Variants in RRBP1 observed in about 807,000 individuals in gnomAD.
The protein encoded by RRBP1 is ribosome-binding protein 1.
A neutral mutation model predicts 165.2 loss-of-function variants in RRBP1; 94 were observed. The ratio of observed to expected loss-of-function variants is 0.57; its 90% CI spans 0.48 to 0.68. RRBP1 has a LOEUF of 0.68. RRBP1 is among the 30% of genes least tolerant of loss of function. The pLI, the probability that RRBP1 is intolerant of heterozygous loss-of-function variation, is 0.00. For synonymous variants in RRBP1, 680 were observed against 714.5 expected (o/e 0.95, Z 0.77); for missense variants, 1,676 against 1,763.0 (o/e 0.95, Z 0.88).
rs147689424 is a variant in RRBP1, at chr20:17,642,333, T to C, written c.2062-414A>G. On this transcript the variant is annotated intron_variant, in intron 4 of 24. Coordinates refer to ENST00000377813, the MANE Select transcript of RRBP1 (RefSeq NM_001365613.2). ...GGAGAGCCAGGCCTCTCCCTGGTCATCTGAATCTCCTATGGCCACTCATAC... is the reference window on the plus strand; with the variant it reads ...GGAGAGCCAGGCCTCTCCCTGGTCACCTGAATCTCCTATGGCCACTCATAC... Among the ~76,000 whole-genome samples the C allele has an allele frequency of 2.2e-3, 328 of 152,082 alleles. 2 individuals carry two copies. The highest frequency in any genetic ancestry group is 7.2e-3 in the African/African-American group (298 of 41,478).
chr20:17,678,116 G>A (rs73101818), intron 2 of RRBP1, among the ~76,000 whole-genome samples: 55 of 152,354 alleles, frequency 3.6e-4, no homozygotes, highest in Non-Finnish European at 6.5e-4. Flanking sequence ...GGACACACAC[G>A]TCTGGTTTTG....
chr20:17,621,357 C>A, intron 16 of RRBP1, 101 bp downstream of exon 16: 3 of 837,968 alleles, frequency 3.6e-6, no homozygotes, highest in Non-Finnish European at 5.8e-6. Flanking sequence ...GGCCAGTGGG[C>A]TTTTCCAAAA....
chr20:17,663,763 C>T (rs1043619808), intron 2 of RRBP1, among the ~76,000 whole-genome samples: 1 of 152,314 alleles, frequency 6.6e-6, no homozygotes, highest in African/African-American at 2.4e-5. Context: ...GGGAGATTTG[C>T]TCCTGAAATC....
At chr20:17,669,073 A>C (rs2036925385) in intron 2 of RRBP1, among the ~76,000 whole-genome samples, 2 of 152,164 alleles carry the variant, frequency 1.3e-5, no homozygotes, top group South Asian at 4.1e-4. Flanking sequence ...GTCCGAAAAA[A>C]TTTATTTCAT....
Position 17,621,463 on chromosome 20 carries a change from C to G in RRBP1, c.3409G>C (p.Glu1137Gln). ...ECDQYRSILA[E>Q]TEGMLRDLQK... The stretch of plus-strand genomic sequence containing the variant: ...GACAGGTTCCCAATGCTCACCGTCT[C>G]CGCCAGGATGCTGCGGTACTGGTCA... The change falls in exon 16 of 25, where the codon GAG becomes CAG. Residue 1137 changes from glutamate (E) to glutamine (Q), a missense_variant. By Grantham distance (29) the Glu-to-Gln change is conservative. This residue lies in a region of RRBP1 where 1,184 missense variants were observed against 1,167.1 expected (regional missense o/e 1.01). Coordinates refer to ENST00000377813, the MANE Select transcript of RRBP1 (RefSeq NM_001365613.2). The G allele has an allele frequency of 6.2e-7, 1 of 1,611,536 alleles. No homozygotes were observed. Among genetic ancestry groups the G allele is most frequent in the Non-Finnish European group, 8.5e-7 (1 of 1,179,422 alleles).
intron 9 of RRBP1, among the ~76,000 whole-genome samples, chr20:17,628,517 G>A (rs1289253904): frequency 6.6e-6 from 1 of 152,110 alleles, no homozygotes; most frequent in Non-Finnish European, 1.5e-5. Context: ...CTCTCCACCT[G>A]GTGTCAGTGT....
chr20:17,666,653 T>C (rs1455970857), intron 2 of RRBP1, among the ~76,000 whole-genome samples: 2 of 152,262 alleles, frequency 1.3e-5, no homozygotes, highest in Non-Finnish European at 2.9e-5. Flanking sequence ...TTCTTTTTCT[T>C]GGCTTAACAG....
Position 17,613,955 on chromosome 20 carries a change from G to A in RRBP1, c.*227C>T, listed in dbSNP as rs573394523. On this transcript the variant is annotated 3_prime_UTR_variant, in exon 25 of 25. Transcript: ENST00000377813. ...TGGCGTCACTCGGCGGTGGCCCGGG[G>A]CTGCGCCCAGGATAGTGTTTATCAA... 47 of 543,002 alleles carry A rather than the reference G, an allele frequency of 8.7e-5. No individual in the cohort carries two copies. The East Asian group carries it at 1.2e-3, about 14-fold the overall frequency. 33.6% of individuals were successfully genotyped at this position (543,002 alleles called of 1,614,324 possible).
rs1202939079 is a variant in RRBP1 at position 17,679,984 on chromosome 20, G to A, written c.-22+15C>T. 1.3e-5 allele frequency: 2 copies of A among 152,254 alleles called. No homozygotes were observed. Among genetic ancestry groups the A allele is most frequent in the Non-Finnish European group, 2.9e-5 (2 of 68,072 alleles). 9.4% of individuals were successfully genotyped at this position (152,254 alleles called of 1,614,324 possible). On this transcript the variant is annotated intron_variant, in intron 2 of 24. Coordinates refer to ENST00000377813, the MANE Select transcript of RRBP1 (RefSeq NM_001365613.2). ...GGCTTTGCGGTGCTCCATGTAAAAG[G>A]AAAACTTCACCTACTAGGAGGTCTG...
intron 3 of RRBP1, among the ~76,000 whole-genome samples, chr20:17,654,139 G>A (rs1000316729): frequency 4.6e-5 from 7 of 151,992 alleles, no homozygotes; most frequent in African/African-American, 1.5e-4. Context: ...GGCCGTCCAC[G>A]TAACATAGAC....
In RRBP1 at chr20:17,614,737, T is replaced by C. The variant is rs759158078; in HGVS notation, c.4194A>G (p.Ala1398=). The part of the protein sequence containing the change: ...VKKLQEQLEK[A]EDGSSSKEGT... ...CCCTGCTTTGGCGCCAGGCACGCAC[T>C]GCCTTTTCCAGCTGTTCCTGCAGCT... Residue 1398 remains alanine (A), a splice_region_variant and synonymous_variant, in exon 24 of 25, where the codon GCA becomes GCG. Coordinates refer to ENST00000377813, the MANE Select transcript of RRBP1 (RefSeq NM_001365613.2). 2 of 1,611,856 alleles carry C rather than the reference T, an allele frequency of 1.2e-6. No homozygotes were observed. Among genetic ancestry groups the C allele is most frequent in the Middle Eastern group, 3.3e-4 (2 of 6,060 alleles).
chr20:17,621,865 A>G lies in RRBP1; in HGVS notation c.3230T>C (p.Leu1077Ser), dbSNP rs757242017. The G allele has an allele frequency of 3.1e-6, 5 of 1,613,914 alleles. No individual in the cohort carries two copies. The East Asian group carries it at 1.1e-4, about 36-fold the overall frequency. The change falls in exon 14 of 25, where the codon TTG (leucine) becomes TCG (serine). Residue 1077 changes from leucine to serine, a missense_variant. This residue lies in a region of RRBP1 where 1,184 missense variants were observed against 1,167.1 expected (regional missense o/e 1.01). Transcript: ENST00000377813. ...LLALLPELSV[L>S]AQQNYTEWLQ... ...ACCCTCCCCTCCTACCTGTTGTGCC[A>G]AGACAGAGAGTTCTGGGAGCAGAGC...
intron 16 of RRBP1, among the ~76,000 whole-genome samples, chr20:17,621,052 G>A (rs2035904092): frequency 6.6e-6 from 1 of 152,304 alleles, no homozygotes; most frequent in Admixed American, 6.5e-5. Flanking sequence ...AGGACCACTA[G>A]GATGCTTGTT....
chr20:17,671,244 A>G (rs554997784), intron 2 of RRBP1, among the ~76,000 whole-genome samples: 1 of 152,302 alleles, frequency 6.6e-6, no homozygotes, highest in South Asian at 2.1e-4. Context: ...TTTAAAATCT[A>G]TGTCAACAAG....
intron 20 of RRBP1, among the ~76,000 whole-genome samples, chr20:17,617,741 G>A (rs975063364): frequency 5.9e-5 from 9 of 152,238 alleles, no homozygotes; most frequent in African/African-American, 1.9e-4. Context: ...AAGGGGGACC[G>A]AGGGTGTTGG....
chr20:17,675,151 T>C (rs2037053765), intron 2 of RRBP1, among the ~76,000 whole-genome samples: 1 of 152,244 alleles, frequency 6.6e-6, no homozygotes, highest in Non-Finnish European at 1.5e-5. Context: ...CAGCCTCCGC[T>C]GGAAGGGCAG....
chr20:17,635,039 G>C (rs1287606393), intron 7 of RRBP1, among the ~76,000 whole-genome samples: 1 of 152,166 alleles, frequency 6.6e-6, no homozygotes, highest in Non-Finnish European at 1.5e-5. Flanking sequence ...GGACACTTCG[G>C]ACCAGAGAAA....
At chr20:17,651,515 T>C (rs1461610463) in intron 3 of RRBP1, among the ~76,000 whole-genome samples, 2 of 152,216 alleles carry the variant, frequency 1.3e-5, no homozygotes, top group Non-Finnish European at 2.9e-5. Flanking sequence ...TAGGGAATAT[T>C]ATGCAGCTGA....
chr20:17,652,946 G>A (rs769147437), intron 3 of RRBP1, among the ~76,000 whole-genome samples: 8 of 152,244 alleles, frequency 5.3e-5, no homozygotes, highest in Non-Finnish European at 1.0e-4. Context: ...AACCCATGCT[G>A]TGGACTCACA....
Sources: gnomAD v4.1 joint callset for allele counts (sites outside exome capture counted in the v4.1 genomes callset) on GRCh38, gnomAD v4.1.1 for gene constraint, gnomAD v4.1.1 regional missense constraint, MANE v1.5 for transcripts, NCBI Gene and HGNC (gene_info 2026-07-23, HGNC 2026-07-21) for gene names.